Variants in ZC3H12B observed in about 807,000 individuals in gnomAD.
The protein encoded by ZC3H12B is zinc finger CCCH-type containing 12B, also known as probable ribonuclease ZC3H12B.
A neutral mutation model predicts 43.9 loss-of-function variants in ZC3H12B; 7 were observed. The observed-to-expected ratio is 0.16, with a 90% confidence interval of 0.09 to 0.30. ZC3H12B has a LOEUF of 0.30. ZC3H12B is among the 10% of genes least tolerant of loss of function. ZC3H12B has a pLI of 1.00. For synonymous variants in ZC3H12B, 222 were observed against 241.7 expected (o/e 0.92, Z 0.76); for missense variants, 475 against 670.2 (o/e 0.71, Z 3.22).
chrX:65,366,654 C>A (rs2066178861), exon 1 of ZC3H12B: 1 of 111,686 alleles, frequency 9.0e-6, no homozygotes, highest in African/African-American at 3.3e-5. Context: ...GACTAAATAG[C>A]CAAGTTGCAA....
intron 4 of ZC3H12B, 22 bp from the exon 10 acceptor site, chrX:65,501,767 A>G: frequency 8.9e-7 from 1 of 1,118,916 alleles, no homozygotes; most frequent in Non-Finnish European, 1.2e-6. Context: ...AGAGAGTCTT[A>G]CCCCAAGGCA....
chrX:65,428,465 T>C (rs907402973), intron 3 of ZC3H12B, among the ~76,000 whole-genome samples: 17 of 112,601 alleles, frequency 1.5e-4, no homozygotes, highest in Admixed American at 6.6e-4. Flanking sequence ...TAATTCCTTT[T>C]TCTCTATTCT....
At chrX:65,159,246 G>C in the ZC3H12B span, among the ~76,000 whole-genome samples, 1 of 111,735 alleles carries the variant, frequency 8.9e-6, no homozygotes, top group African/African-American at 3.3e-5. Context: ...GCATTGACTT[G>C]GCGATGCGGG....
At chrX:65,259,902 T>G in the ZC3H12B span, among the ~76,000 whole-genome samples, 3 of 111,604 alleles carry the variant, frequency 2.7e-5, no homozygotes, top group Non-Finnish European at 5.7e-5. Flanking sequence ...TAAAAGGAAA[T>G]GAAATAATGG....
chrX:65,499,302 T>A, intron 3 of ZC3H12B, 69 bp downstream of exon 8: 1 of 813,584 alleles, frequency 1.2e-6, no homozygotes, highest in Non-Finnish European at 1.8e-6. Flanking sequence ...AATAAACATT[T>A]ACCAAACACT....
At chrX:65,259,200 T>C in the ZC3H12B span, among the ~76,000 whole-genome samples, 1 of 111,800 alleles carries the variant, frequency 8.9e-6, no homozygotes, top group Non-Finnish European at 1.9e-5. Flanking sequence ...ATCATAGTAC[T>C]GGTACAAAAA....
At chrX:65,219,317 G>A in the ZC3H12B span, among the ~76,000 whole-genome samples, 5 of 111,300 alleles carry the variant, frequency 4.5e-5, no homozygotes, top group East Asian at 2.8e-4. Context: ...TGTCCAAACC[G>A]AATTGCCAAA....
chrX:65,390,782 C>T (rs2066604650), intron 2 of ZC3H12B, among the ~76,000 whole-genome samples: 1 of 111,524 alleles, frequency 9.0e-6, no homozygotes, highest in Non-Finnish European at 1.9e-5. Context: ...CATTATTTTC[C>T]TCAGCACATG....
intron 2 of ZC3H12B, among the ~76,000 whole-genome samples, chrX:65,374,783 C>T (rs1433996576): frequency 9.0e-6 from 1 of 111,083 alleles, no homozygotes; most frequent in Non-Finnish European, 1.9e-5. Context: ...GGGAAGCAAT[C>T]ATGTCCTTCT....
chrX:65,086,688 G>A, the ZC3H12B span, among the ~76,000 whole-genome samples: 2 of 112,285 alleles, frequency 1.8e-5, no homozygotes, highest in East Asian at 5.6e-4. Context: ...TGTGAGCCAG[G>A]AAGTGGCCAT....
At chrX:65,486,964 C>G (rs1602522523), upstream of ZC3H12B, among the ~76,000 whole-genome samples, 1 of 112,332 alleles carries the variant, frequency 8.9e-6, no homozygotes, top group East Asian at 2.8e-4. Flanking sequence ...ATTTCAATGT[C>G]CTGTGTACAC....
At chrX:65,360,016 C>T in the ZC3H12B span, among the ~76,000 whole-genome samples, 31 of 111,986 alleles carry the variant, frequency 2.8e-4, no homozygotes, top group Admixed American at 9.5e-4. Context: ...CAAGGCAAGA[C>T]CCTCCATCAG....
chrX:65,412,001 G>A (rs1205717934), intron 3 of ZC3H12B, among the ~76,000 whole-genome samples: 2 of 110,679 alleles, frequency 1.8e-5, no homozygotes. Context: ...GTGAAATCTA[G>A]ATAATATAAA....
chrX:65,215,755 CCTAT>C, the ZC3H12B span, among the ~76,000 whole-genome samples: 1 of 111,894 alleles, frequency 8.9e-6, no homozygotes, highest in African/African-American at 3.2e-5. Flanking sequence ...TAGCTTTCAG[CCTAT>C]CTAAGCTTTC....
chrX:65,331,322 T>A, the ZC3H12B span: 4 of 110,413 alleles, frequency 3.6e-5, no homozygotes, highest in Non-Finnish European at 3.8e-5. Flanking sequence ...AAAGGAATAA[T>A]TTTTTTTTAT....
At chrX:65,195,930 T>G in the ZC3H12B span, among the ~76,000 whole-genome samples, 1 of 112,096 alleles carries the variant, frequency 8.9e-6, no homozygotes, top group African/African-American at 3.2e-5. Flanking sequence ...CTCACAACTT[T>G]TGTTAATTAG....
chrX:65,105,941 T>C, the ZC3H12B span, among the ~76,000 whole-genome samples: 3 of 111,857 alleles, frequency 2.7e-5, no homozygotes, highest in Non-Finnish European at 3.8e-5. Flanking sequence ...CTGAAGTGAA[T>C]AAATTGATAA....
chrX:65,311,945 G>A, the ZC3H12B span, among the ~76,000 whole-genome samples: 3 of 111,150 alleles, frequency 2.7e-5, no homozygotes, highest in African/African-American at 9.8e-5. Flanking sequence ...ATTGAACAAT[G>A]AGAACACTTG....
intron 4 of ZC3H12B, among the ~76,000 whole-genome samples, chrX:65,500,207 T>C (rs1187180695): frequency 8.9e-6 from 1 of 112,399 alleles, no homozygotes; most frequent in Non-Finnish European, 1.9e-5. Context: ...GGAAGACTAG[T>C]TGTCACTTGT....
Sources: allele counts gnomAD v4.1 joint callset (sites outside exome capture counted in the v4.1 genomes callset), GRCh38; gene constraint gnomAD v4.1.1; transcripts MANE v1.5; gene names NCBI Gene and HGNC (gene_info 2026-07-23, HGNC 2026-07-21).